The following EZH1 variants were observed in gnomAD, a reference collection of about 807,000 sequenced individuals.
The protein encoded by EZH1 is histone-lysine N-methyltransferase EZH1.
In EZH1, 33 loss-of-function variants were observed where a neutral mutation model predicts 100.5. The observed-to-expected ratio is 0.33, with a 90% CI of 0.25 to 0.44. The LOEUF is 0.44. Ranked by LOEUF, EZH1 falls within the 20% of genes least tolerant of loss-of-function variation. The probability of loss-of-function intolerance (pLI) is 1.00; values close to 1 mark genes in which losing one functional copy is unlikely to be tolerated. For missense variants in EZH1, 475 were observed against 928.4 expected (o/e 0.51, Z 6.35); for synonymous variants, 272 against 313.8 (o/e 0.87, Z 1.41).
Position 42,728,809 on chromosome 17 carries a change from G to T in EZH1, c.117+16C>A. On this transcript the variant is annotated intron_variant, in intron 3 of 20. Coordinates refer to ENST00000428826, the MANE Select transcript of EZH1 (RefSeq NM_001991.5). ...TATTGAAATATATAAACTTTCACTT[G>T]GGAATTATTTTTTACCTTTGCACCC... The T allele has an allele frequency of 6.2e-7, 1 of 1,609,252 alleles. No individual in the cohort carries two copies. Among genetic ancestry groups the T allele is most frequent in the Non-Finnish European group, 8.5e-7 (1 of 1,178,286 alleles).
chr17:42,728,502 G>A (rs1161283841), intron 3 of EZH1, among the ~76,000 whole-genome samples: 2 of 150,982 alleles, frequency 1.3e-5, no homozygotes, highest in African/African-American at 2.4e-5. Context: ...AGCACTTTGG[G>A]AGGCTGAGGC....
chr17:42,717,669 A>AC (rs1045358204), intron 10 of EZH1, among the ~76,000 whole-genome samples: 5 of 151,770 alleles, frequency 3.3e-5, no homozygotes, highest in African/African-American at 7.3e-5. Flanking sequence ...GTGTGTACCC[A>AC]CCCCCCCAGC....
At chr17:42,715,052 A>T (rs1478672774) in intron 10 of EZH1, among the ~76,000 whole-genome samples, 1 of 139,754 alleles carries the variant, frequency 7.2e-6, no homozygotes, top group East Asian at 2.0e-4. Context: ...TATATTATAT[A>T]TGTATTTATA....
intron 1 of EZH1, among the ~76,000 whole-genome samples, chr17:42,734,338 C>A (rs542681609): frequency 6.6e-6 from 1 of 152,194 alleles, no homozygotes; most frequent in East Asian, 1.9e-4. Flanking sequence ...CCGCGCCTGG[C>A]CAAAATAATG....
chr17:42,741,976 CCA>C (rs1161071141), intron 1 of EZH1, among the ~76,000 whole-genome samples: 1 of 152,132 alleles, frequency 6.6e-6, no homozygotes, highest in African/African-American at 2.4e-5. Context: ...CAGGCATGAG[CCA>C]CAGTGTCCAG....
chr17:42,732,507 G>A (rs2053970605), intron 1 of EZH1, among the ~76,000 whole-genome samples: 1 of 151,936 alleles, frequency 6.6e-6, no homozygotes, highest in Non-Finnish European at 1.5e-5. Flanking sequence ...GGTGGCTCAC[G>A]CCTGTAATCC....
intron 10 of EZH1, among the ~76,000 whole-genome samples, chr17:42,717,566 C>A (rs1029780069): frequency 2.6e-5 from 4 of 152,164 alleles, no homozygotes; most frequent in African/African-American, 7.2e-5. Flanking sequence ...AGGGAACGGT[C>A]CATCTGGTTG....
intron 11 of EZH1, among the ~76,000 whole-genome samples, 164 bp downstream of exon 11, chr17:42,713,037 CAAAAAAAA>C (rs10664421): frequency 3.6e-5 from 3 of 83,986 alleles, no homozygotes; most frequent in Admixed American, 3.2e-4. Context: ...GAGACTGTTT[CAAAAAAAA>C]AAAAAAAAAA....
intron 7 of EZH1, 84 bp from the exon 8 acceptor site, chr17:42,719,291 T>G: frequency 9.2e-7 from 1 of 1,088,344 alleles, no homozygotes; most frequent in Middle Eastern, 2.0e-4. Flanking sequence ...CCTTTTGTCA[T>G]AGCATTTTGA....
chr17:42,723,050 T>A, intron 5 of EZH1, 135 bp from the exon 6 acceptor site: 1 of 1,306,588 alleles, frequency 7.7e-7, no homozygotes. Context: ...GTTTCCTGCA[T>A]TTTAAACACT....
Position 42,718,122 on chromosome 17 carries a change from G to T in EZH1, c.932-55C>A. On this transcript the variant is annotated intron_variant, in intron 9 of 20. Transcript: ENST00000428826. The surrounding 1 kb of genome is among the most constrained non-coding windows in gnomAD (Gnocchi z 4.2). Reference sequence around the variant, plus strand: ...TGGTCTATCCACTTGACAAGATGGGGAGAAACAAAAGTGAATTAGAGAGCT... The same window carrying T: ...TGGTCTATCCACTTGACAAGATGGGTAGAAACAAAAGTGAATTAGAGAGCT... 6.8e-7 allele frequency: 1 copy of T among 1,480,668 alleles called. No individual in the cohort carries two copies. Among genetic ancestry groups the T allele is most frequent in the Non-Finnish European group, 9.4e-7 (1 of 1,062,786 alleles). 91.7% of individuals were successfully genotyped at this position (1,480,668 alleles called of 1,614,324 possible). A position where few individuals can be genotyped will look rare whatever the true frequency, so the allele number is the denominator to read the frequency against.
At position 42,708,833 on chromosome 17, in the gene EZH1, G is replaced by A. The variant is rs756063220; in HGVS notation, c.1534+43C>T. ...GGGTAGGGTGATGACCACAGAGTGA[G>A]GCCTCCAGCTGAACTGCTGAAGAAT... On this transcript the variant is annotated intron_variant, in intron 14 of 20. Transcript: ENST00000428826. 5 of 1,608,260 alleles carry A rather than the reference G, an allele frequency of 3.1e-6. No individual in the cohort carries two copies. The Admixed American group carries it at 8.3e-5, about 27-fold the overall frequency.
At chr17:42,725,885 G>A (rs1242037060) in intron 4 of EZH1, among the ~76,000 whole-genome samples, 1 of 151,524 alleles carries the variant, frequency 6.6e-6, no homozygotes, top group Non-Finnish European at 1.5e-5. Flanking sequence ...TCTGCTTTTC[G>A]TTTTTTGTTT....
chr17:42,733,804 G>A (rs2054006549), intron 1 of EZH1, among the ~76,000 whole-genome samples: 1 of 151,684 alleles, frequency 6.6e-6, no homozygotes. Context: ...AGCTAGGCAT[G>A]GTGGCGGGTG....
intron 14 of EZH1, 24 bp downstream of exon 14, chr17:42,708,852 G>A (rs1168831154): frequency 6.2e-7 from 1 of 1,613,860 alleles, no homozygotes; most frequent in Non-Finnish European, 8.5e-7. Flanking sequence ...CTGAACTGCT[G>A]AAGAATGCCC....
At chr17:42,732,671 G>A (rs2053974840) in intron 1 of EZH1, among the ~76,000 whole-genome samples, 1 of 152,168 alleles carries the variant, frequency 6.6e-6, no homozygotes, top group Non-Finnish European at 1.5e-5. Flanking sequence ...GGGAGGCTGA[G>A]CCAGGAGAAT....
intron 1 of EZH1, among the ~76,000 whole-genome samples, 182 bp downstream of exon 1, chr17:42,744,829 G>C (rs991563406): frequency 6.6e-6 from 1 of 150,962 alleles, no homozygotes; most frequent in Middle Eastern, 3.4e-3. Flanking sequence ...TCGCCCCGTC[G>C]CCCCCATTCC....
rs551055178 is a variant in EZH1 at position 42,714,819 on chromosome 17, C to A, written c.1024-1430G>T. 2.3e-4 allele frequency among the ~76,000 whole-genome samples: 33 copies of A among 145,078 alleles called. No individual in the cohort carries two copies. The South Asian group carries it at 6.8e-3, about 30-fold the overall frequency. The stretch of plus-strand genomic sequence containing the variant: ...GTGCCTATGCTGTGTATGAAGTATA[C>A]AGTATCAATTATACTATTTTAAACA... On this transcript the variant is annotated intron_variant, in intron 10 of 20. Coordinates refer to ENST00000428826, the MANE Select transcript of EZH1 (RefSeq NM_001991.5).
chr17:42,711,477 A>C (rs1434756141), intron 12 of EZH1, among the ~76,000 whole-genome samples: 2 of 151,220 alleles, frequency 1.3e-5, no homozygotes, highest in Non-Finnish European at 2.9e-5. Context: ...CATCTCAAAA[A>C]AACAAAACAA....
Sources: allele counts gnomAD v4.1 joint callset (sites outside exome capture counted in the v4.1 genomes callset), GRCh38; gene constraint gnomAD v4.1.1; non-coding constraint Gnocchi (gnomAD v3.1); transcripts MANE v1.5; gene names NCBI Gene and HGNC (gene_info 2026-07-23, HGNC 2026-07-21).